C7: variants seen among roughly 807,000 people sequenced by gnomAD.
C7 encodes complement C7.
Under a neutral mutation model 104.8 loss-of-function variants are expected in C7, and 83 were observed. The ratio of observed to expected loss-of-function variants is 0.79; its 90% CI spans 0.66 to 0.95. The LOEUF (loss-of-function observed/expected upper bound fraction) is 0.95, where lower values mean the gene tolerates loss of function less well. C7 is among the 40% of genes least tolerant of loss of function. The pLI is 0.00. For synonymous variants in C7, 415 were observed against 360.6 expected (o/e 1.15, Z -1.71); for missense variants, 1,070 against 1,011.2 (o/e 1.06, Z -0.79).
At chr5:40,962,228 C>A in intron 13 of C7, 56 bp downstream of exon 13, 1 of 1,032,258 alleles carries the variant, frequency 9.7e-7, no homozygotes, top group Non-Finnish European at 1.4e-6. Context: ...TATCTCTCTG[C>A]TGAGCCCATA....
chr5:40,964,645 A>C, intron 13 of C7, 96 bp from the exon 14 acceptor site: 1 of 1,076,438 alleles, frequency 9.3e-7, no homozygotes, highest in Non-Finnish European at 1.4e-6. Context: ...AGCTTGCCTG[A>C]TGATTATGAT....
At chr5:40,936,654 A>G (rs1347911375) in intron 5 of C7, among the ~76,000 whole-genome samples, 169 bp downstream of exon 5, 1 of 152,134 alleles carries the variant, frequency 6.6e-6, no homozygotes, top group African/African-American at 2.4e-5. Context: ...ACACATGTAT[A>G]CCTGTAGATA....
At chr5:40,970,835 A>T (rs925616619) in intron 14 of C7, among the ~76,000 whole-genome samples, 2 of 151,840 alleles carry the variant, frequency 1.3e-5, no homozygotes, top group Admixed American at 6.6e-5. Flanking sequence ...TTCAACTCCC[A>T]CTTATGAGTG....
chr5:40,922,074 A>AAACAAAAACG (rs1554041016), intron 1 of C7, among the ~76,000 whole-genome samples: 17 of 150,538 alleles, frequency 1.1e-4, no homozygotes, highest in South Asian at 2.1e-4. Context: ...AAACAAAAAC[A>AAACAAAAACG]ACAACAAAAA....
intron 1 of C7, among the ~76,000 whole-genome samples, chr5:40,920,555 G>T (rs1163915189): frequency 1.8e-5 from 2 of 112,448 alleles, no homozygotes; most frequent in South Asian, 2.6e-4. Flanking sequence ...AAAAAAAAAA[G>T]CAGAGGACTT....
chr5:40,930,407 T>C (rs1487074890), intron 2 of C7, among the ~76,000 whole-genome samples: 3 of 151,992 alleles, frequency 2.0e-5, no homozygotes, highest in East Asian at 1.9e-4. Flanking sequence ...GGTTTCACCA[T>C]GATGGCCCTG....
intron 7 of C7, 44 bp from the exon 8 acceptor site, chr5:40,947,558 T>C (rs771294875): frequency 3.7e-6 from 6 of 1,604,586 alleles, no homozygotes; most frequent in African/African-American, 2.7e-5. Context: ...ATTGCCTTTT[T>C]ATCTTCCACC....
intron 1 of C7, among the ~76,000 whole-genome samples, chr5:40,912,776 T>A (rs561008146): frequency 2.0e-5 from 3 of 151,970 alleles, no homozygotes; most frequent in Admixed American, 2.0e-4. Context: ...AATTTTATGG[T>A]TTTTTTTGGA....
At chr5:40,951,756 T>C (rs912995945) in intron 9 of C7, among the ~76,000 whole-genome samples, 2 of 152,100 alleles carry the variant, frequency 1.3e-5, no homozygotes, top group Non-Finnish European at 2.9e-5. Context: ...ATGGCAAAAG[T>C]GGACACTGAC....
At chr5:40,951,966 A>T (rs1371101556) in intron 9 of C7, among the ~76,000 whole-genome samples, 1 of 152,244 alleles carries the variant, frequency 6.6e-6, no homozygotes, top group African/African-American at 2.4e-5. Context: ...TGCCAGAGAA[A>T]GTGCTTGTCT....
At chr5:40,966,817 T>C (rs192670418) in intron 14 of C7, among the ~76,000 whole-genome samples, 5 of 152,304 alleles carry the variant, frequency 3.3e-5, no homozygotes, top group Non-Finnish European at 7.4e-5. Context: ...ACAGTTTCTT[T>C]ATCCACTCAT....
At chr5:40,968,863 C>T (rs1451000865) in intron 14 of C7, among the ~76,000 whole-genome samples, 1 of 151,060 alleles carries the variant, frequency 6.6e-6, no homozygotes, top group Non-Finnish European at 1.5e-5. Flanking sequence ...CTGCCTGCTT[C>T]AGTCTCCCAA....
intron 9 of C7, among the ~76,000 whole-genome samples, chr5:40,951,284 A>T (rs1240299519): frequency 6.6e-6 from 1 of 152,174 alleles, no homozygotes; most frequent in African/African-American, 2.4e-5. Flanking sequence ...TATCAGATGC[A>T]TAGTTTGCAA....
At chr5:40,943,068 T>C (rs1739974655) in intron 6 of C7, among the ~76,000 whole-genome samples, 1 of 152,196 alleles carries the variant, frequency 6.6e-6, no homozygotes, top group African/African-American at 2.4e-5. Context: ...ATGCCTGGCC[T>C]AGCAAGCCCT....
intron 9 of C7, 132 bp from the exon 10 acceptor site, chr5:40,955,255 C>T: frequency 5.2e-6 from 4 of 764,494 alleles, no homozygotes; most frequent in South Asian, 3.7e-5. Flanking sequence ...ATTCATCCCT[C>T]CCTTCTTTCT....
chr5:40,950,994 G>A (rs1397929833), intron 9 of C7, among the ~76,000 whole-genome samples: 2 of 152,150 alleles, frequency 1.3e-5, no homozygotes, highest in East Asian at 3.8e-4. Context: ...AATACATGGA[G>A]TGATGAAATA....
chr5:40,974,064 A>C (rs1464466222), intron 15 of C7, among the ~76,000 whole-genome samples: 1 of 151,624 alleles, frequency 6.6e-6, no homozygotes, highest in African/African-American at 2.4e-5. Context: ...ATAATAAAGC[A>C]TACATAACAT....
rs1176928264 is a variant in C7 at position 40,947,789 on chromosome 5, TA to T, written c.927del (p.Gly310GlufsTer15). On this transcript the variant is annotated frameshift_variant, in exon 8 of 18. Transcript: ENST00000313164. LOFTEE classifies it high-confidence loss of function. ...YGTHYLQSGS[L>X]GGEYRVLFYV... ...ACACATTATCTGCAATCTGGGTCGT[TA>T]GGAGGAGAATACAGAGTTCTATTTT... The T allele has an allele frequency of 6.2e-7, 1 of 1,613,424 alleles. No individual in the cohort carries two copies. Among genetic ancestry groups the T allele is most frequent in the Admixed American group, 1.7e-5 (1 of 59,980 alleles).
At chr5:40,931,185 AC>A (rs747423213) in intron 3 of C7, 46 bp downstream of exon 3, 42 of 1,448,700 alleles carry the variant, frequency 2.9e-5, no homozygotes, top group Non-Finnish European at 4.1e-5. Flanking sequence ...TTGCAGAAAT[AC>A]TTTGGCATGG....
Sources: gnomAD v4.1 joint callset for allele counts (sites outside exome capture counted in the v4.1 genomes callset) on GRCh38, gnomAD v4.1.1 for gene constraint, MANE v1.5 for transcripts, NCBI Gene and HGNC (gene_info 2026-07-23, HGNC 2026-07-21) for gene names.